ADAMTS17: variants seen among roughly 807,000 people sequenced by gnomAD.
ADAMTS17 encodes the protein ADAM metallopeptidase with thrombospondin type 1 motif 17.
In ADAMTS17, 113 loss-of-function variants were observed where a neutral mutation model predicts 141.5. That is an observed-to-expected ratio of 0.80 (90% confidence interval 0.69 to 0.93). The LOEUF is 0.93. Ranked by LOEUF, ADAMTS17 falls within the 40% of genes least tolerant of loss-of-function variation. The pLI is 0.00. For missense variants in ADAMTS17, 1,659 were observed against 1,517.9 expected, an observed-to-expected ratio of 1.09 and a Z score of -1.54; for synonymous variants, 768 against 630.6, an observed-to-expected ratio of 1.22 and a Z score of -3.27.
chr15:100,225,759 A>G lies in ADAMTS17; in HGVS notation c.1076-26336T>C, dbSNP rs56268568. Among the ~76,000 whole-genome samples the G allele has an allele frequency of 2.8e-3, 361 of 130,376 alleles. 1 individual carries two copies. Among genetic ancestry groups the G allele is most frequent in the South Asian group, 8.4e-3 (31 of 3,710 alleles). 85.5% of individuals were successfully genotyped at this position (130,376 alleles called of 152,430 possible). ...GCCATTCAGTCCTTATAGCAGTCATAGCCTCTGTCCCATTCTGTCCTTACA... is the reference window on the plus strand; with the variant it reads ...GCCATTCAGTCCTTATAGCAGTCATGGCCTCTGTCCCATTCTGTCCTTACA... On this transcript the variant is annotated intron_variant, in intron 7 of 21. Coordinates refer to ENST00000268070, the MANE Select transcript of ADAMTS17 (RefSeq NM_139057.4).
chr15:100,261,741 A>T, intron 5 of ADAMTS17, 105 bp from the exon 6 acceptor site: 2 of 1,296,262 alleles, frequency 1.5e-6, no homozygotes, highest in Non-Finnish European at 2.2e-6. Flanking sequence ...ACTCACTGAG[A>T]CATCATTTGA....
chr15:100,322,475 C>T (rs1381749783), intron 3 of ADAMTS17, among the ~76,000 whole-genome samples: 1 of 152,168 alleles, frequency 6.6e-6, no homozygotes, highest in African/African-American at 2.4e-5. Context: ...AAAATACTCT[C>T]CAGAGTAATA....
intron 7 of ADAMTS17, among the ~76,000 whole-genome samples, chr15:100,203,629 T>G (rs1257732356): frequency 1.3e-5 from 2 of 152,058 alleles, no homozygotes. Flanking sequence ...GGCATGAACC[T>G]GGGAGGTGGA....
At chr15:100,334,290 T>A (rs1447573222) in intron 2 of ADAMTS17, among the ~76,000 whole-genome samples, 1 of 152,202 alleles carries the variant, frequency 6.6e-6, no homozygotes, top group Non-Finnish European at 1.5e-5. Flanking sequence ...ACGTCTGTCC[T>A]GTGTGCTTCA....
intron 15 of ADAMTS17, among the ~76,000 whole-genome samples, chr15:100,060,315 G>A (rs944780700): frequency 1.3e-5 from 2 of 152,198 alleles, no homozygotes; most frequent in African/African-American, 4.8e-5. Context: ...ACTTTCCTTT[G>A]CCACCAGGGC....
At chr15:100,046,815 G>C (rs987306934) in intron 18 of ADAMTS17, among the ~76,000 whole-genome samples, 1 of 152,096 alleles carries the variant, frequency 6.6e-6, no homozygotes, top group African/African-American at 2.4e-5. Flanking sequence ...TGATGATTGC[G>C]TTAACTGCAC....
intron 3 of ADAMTS17, among the ~76,000 whole-genome samples, chr15:100,285,429 T>C (rs2044415175): frequency 6.6e-6 from 1 of 152,238 alleles, no homozygotes; most frequent in Non-Finnish European, 1.5e-5. Context: ...ATGGAACAGA[T>C]ACTCTTTAGT....
At chr15:100,065,876 C>T (rs2033482542) in intron 15 of ADAMTS17, among the ~76,000 whole-genome samples, 1 of 152,170 alleles carries the variant, frequency 6.6e-6, no homozygotes, top group South Asian at 2.1e-4. Flanking sequence ...CCCCTTTTCC[C>T]CCACCCCTCA....
At chr15:100,068,962 T>G (rs2033764420) in intron 15 of ADAMTS17, among the ~76,000 whole-genome samples, 1 of 152,186 alleles carries the variant, frequency 6.6e-6, no homozygotes, top group African/African-American at 2.4e-5. Flanking sequence ...AGGAGGAAGT[T>G]GAAACCTATG....
intron 2 of ADAMTS17, among the ~76,000 whole-genome samples, chr15:100,340,606 C>T (rs2046333794): frequency 6.6e-6 from 1 of 152,172 alleles, no homozygotes; most frequent in African/African-American, 2.4e-5. Context: ...ACTCCCCCAC[C>T]TCCAAGTCCA....
intron 14 of ADAMTS17, among the ~76,000 whole-genome samples, chr15:100,098,728 A>G (rs2035917731): frequency 6.6e-6 from 1 of 152,006 alleles, no homozygotes; most frequent in African/African-American, 2.4e-5. Context: ...GTCCCCCAGC[A>G]GTGTTTAGCA....
intron 3 of ADAMTS17, 87 bp from the exon 4 acceptor site, chr15:100,281,488 C>A: frequency 6.6e-7 from 1 of 1,516,346 alleles, no homozygotes; most frequent in Non-Finnish European, 8.9e-7. Context: ...CAAGCCTGCC[C>A]GAGAGAGTGG....
intron 8 of ADAMTS17, among the ~76,000 whole-genome samples, chr15:100,170,693 A>G (rs1447378248): frequency 6.6e-6 from 1 of 152,210 alleles, no homozygotes; most frequent in Non-Finnish European, 1.5e-5. Context: ...CCACAAAGAA[A>G]CAAAAGAACA....
At chr15:100,139,010 G>A (rs887559121) in intron 10 of ADAMTS17, among the ~76,000 whole-genome samples, 4 of 152,150 alleles carry the variant, frequency 2.6e-5, no homozygotes, top group African/African-American at 7.2e-5. Flanking sequence ...TATTTTGGGC[G>A]ATGGACCTGT....
At chr15:100,190,757 C>T in intron 8 of ADAMTS17, among the ~76,000 whole-genome samples, 1 of 152,192 alleles carries the variant, frequency 6.6e-6, no homozygotes. Flanking sequence ...CAGATCACAC[C>T]CCTGCCACCT....
intron 12 of ADAMTS17, among the ~76,000 whole-genome samples, chr15:100,130,000 C>T (rs951489643): frequency 9.9e-5 from 15 of 152,140 alleles, no homozygotes; most frequent in Non-Finnish European, 1.5e-5. Context: ...AAACTGCAAC[C>T]ACCTATTAAT....
intron 12 of ADAMTS17, among the ~76,000 whole-genome samples, chr15:100,130,872 T>C (rs1368987122): frequency 6.6e-6 from 1 of 152,160 alleles, no homozygotes; most frequent in Admixed American, 6.5e-5. Context: ...ACTGAGTATA[T>C]ACCCAAGGAT....
Position 100,150,333 on chromosome 15 carries a change from T to C in ADAMTS17, c.1473+2279A>G, listed in dbSNP as rs114615080. ...TGCCTCCTCTCTTTGGGGTCTATCT[T>C]TGAATGACAGTAGCTTTCCTTTCCT... On this transcript the variant is annotated intron_variant, in intron 10 of 21. Transcript: ENST00000268070. Among the ~76,000 whole-genome samples, 864 of 152,262 alleles carry C rather than the reference T, an allele frequency of 5.7e-3. 15 individuals are homozygous for C. The highest frequency in any genetic ancestry group is 0.019 in the African/African-American group (807 of 41,558).
intron 18 of ADAMTS17, among the ~76,000 whole-genome samples, chr15:100,047,477 A>C (rs1000142148): frequency 2.0e-5 from 3 of 151,730 alleles, no homozygotes; most frequent in African/African-American, 4.9e-5. Flanking sequence ...TCTCCCCCGG[A>C]TGCCCAGCTT....
Sources: gnomAD v4.1 joint callset for allele counts (sites outside exome capture counted in the v4.1 genomes callset) on GRCh38, gnomAD v4.1.1 for gene constraint, MANE v1.5 for transcripts, NCBI Gene and HGNC (gene_info 2026-07-23, HGNC 2026-07-21) for gene names.